The following EIF3D variants were observed in gnomAD, a reference collection of about 807,000 sequenced individuals.
EIF3D encodes eIF3 p66.
A neutral mutation model predicts 75.4 loss-of-function variants in EIF3D; 10 were observed. The observed-to-expected ratio is 0.13, with a 90% CI of 0.08 to 0.22. The LOEUF (loss-of-function observed/expected upper bound fraction) is 0.22, where lower values mean the gene tolerates loss of function less well. EIF3D is among the 10% of genes least tolerant of loss of function. EIF3D has a pLI of 1.00. For missense variants in EIF3D, 394 were observed against 708.0 expected (o/e 0.56, Z 5.03); for synonymous variants, 246 against 248.3 (o/e 0.99, Z 0.09).
intron 1 of EIF3D, among the ~76,000 whole-genome samples, chr22:36,528,320 A>G (rs78098074): frequency 6.6e-6 from 1 of 152,102 alleles, no homozygotes; most frequent in African/African-American, 2.4e-5. Context: ...ACTTTAAAAA[A>G]TCGGGTTCTG....
intron 7 of EIF3D, 114 bp from the exon 8 acceptor site, chr22:36,519,651 T>C: frequency 6.9e-7 from 1 of 1,447,068 alleles, no homozygotes; most frequent in South Asian, 1.3e-5. Context: ...TGGAAAGCAA[T>C]CTCTGGCCAG....
chr22:36,523,782 T>C, intron 5 of EIF3D, 113 bp downstream of exon 5: 1 of 1,004,148 alleles, frequency 1.0e-6, no homozygotes, highest in East Asian at 2.4e-5. Context: ...TAGAAAGTAT[T>C]TTCCTTTTTT....
intron 14 of EIF3D, 39 bp downstream of exon 14, chr22:36,511,464 C>G: frequency 6.2e-7 from 1 of 1,605,694 alleles, no homozygotes; most frequent in Admixed American, 1.7e-5. Context: ...TGCTAGCCCA[C>G]AGATCACTCT....
intron 1 of EIF3D, among the ~76,000 whole-genome samples, chr22:36,527,405 C>T (rs577566568): frequency 6.6e-6 from 1 of 152,306 alleles, no homozygotes; most frequent in Non-Finnish European, 1.5e-5. Context: ...AATGCTATAG[C>T]CCTCTTGGGA....
Position 36,523,961 on chromosome 22 carries a change from T to C in EIF3D, c.326A>G (p.Lys109Arg). 1.2e-6 allele frequency: 2 copies of C among 1,614,128 alleles called. No homozygotes were observed. The highest frequency in any genetic ancestry group is 1.7e-6 in the Non-Finnish European group (2 of 1,180,002). ...GAACTGCAACATGTTCCGACGATCTTTGTCTCTGCGGAGGTTCCTCTGGGC... is the reference window on the plus strand; with the variant it reads ...GAACTGCAACATGTTCCGACGATCTCTGTCTCTGCGGAGGTTCCTCTGGGC... ...RFAQRNLRRD[K>R]DRRNMLQFNL... Residue 109 changes from lysine to arginine, a missense_variant, in exon 5 of 15, where the codon AAA becomes AGA. Transcript: ENST00000216190.
intron 6 of EIF3D, among the ~76,000 whole-genome samples, chr22:36,521,379 A>G (rs1166225538): frequency 6.6e-6 from 1 of 152,202 alleles, no homozygotes; most frequent in Non-Finnish European, 1.5e-5. Flanking sequence ...AACATGTAGA[A>G]GGTCCTTTAT....
At position 36,511,008 on chromosome 22, in the gene EIF3D, A is replaced by G; in HGVS notation, c.1634-8T>C. ...TGGTTTAAGTTTCTTCCTCTGAAAG[A>G]CACAAAAAATGTAAGAGAAATGAGC... On this transcript the variant is annotated splice_region_variant and splice_polypyrimidine_tract_variant and intron_variant, in intron 14 of 14. Transcript: ENST00000216190. The G allele has an allele frequency of 6.2e-7, 1 of 1,608,480 alleles. No homozygotes were observed. The highest frequency in any genetic ancestry group is 8.5e-7 in the Non-Finnish European group (1 of 1,178,296).
At chr22:36,513,283 C>G (rs190550088) in intron 12 of EIF3D, among the ~76,000 whole-genome samples, 35 of 152,194 alleles carry the variant, frequency 2.3e-4, no homozygotes, top group African/African-American at 7.9e-4. Context: ...AAGAAATACT[C>G]AAGAATTTCT....
intron 6 of EIF3D, among the ~76,000 whole-genome samples, chr22:36,521,492 G>A (rs1934511872): frequency 6.6e-6 from 1 of 152,126 alleles, no homozygotes; most frequent in Admixed American, 6.5e-5. Context: ...GCCCACACAA[G>A]CACACGCAGG....
chr22:36,513,631 A>G (rs1934376548), intron 12 of EIF3D, among the ~76,000 whole-genome samples: 1 of 152,092 alleles, frequency 6.6e-6, no homozygotes, highest in South Asian at 2.1e-4. Context: ...GTTAGGGTCA[A>G]ACCATGTATT....
intron 5 of EIF3D, among the ~76,000 whole-genome samples, chr22:36,523,613 C>T (rs1934550142): frequency 6.6e-6 from 1 of 152,136 alleles, no homozygotes; most frequent in South Asian, 2.1e-4. Flanking sequence ...AGAGTTGACC[C>T]ACAGCAGAAC....
chr22:36,527,918 C>T (rs1035195309), intron 1 of EIF3D, among the ~76,000 whole-genome samples: 2 of 152,196 alleles, frequency 1.3e-5, no homozygotes, highest in East Asian at 3.8e-4. Context: ...TTGAGGCTTC[C>T]TTCAGAGATG....
chr22:36,511,282 G>T, intron 14 of EIF3D: 1 of 954,442 alleles, frequency 1.0e-6, no homozygotes, highest in Non-Finnish European at 1.5e-6. Flanking sequence ...CTCTGCCACA[G>T]TCCAGCCGCT....
At chr22:36,512,749 A>G in intron 12 of EIF3D, 147 bp from the exon 13 acceptor site, 1 of 893,362 alleles carries the variant, frequency 1.1e-6, no homozygotes, top group Non-Finnish European at 1.7e-6. Flanking sequence ...AGAGACAAAG[A>G]CATAGTCCCT....
chr22:36,513,407 AT>A (rs758176136), intron 12 of EIF3D, among the ~76,000 whole-genome samples: 4 of 151,418 alleles, frequency 2.6e-5, no homozygotes, highest in African/African-American at 4.9e-5. Context: ...GGTTCAAGTG[AT>A]TCTCCTACCT....
intron 13 of EIF3D, 118 bp downstream of exon 13, chr22:36,512,342 C>G (rs969081409): frequency 3.5e-6 from 5 of 1,429,874 alleles, no homozygotes; most frequent in Admixed American, 4.0e-5. Context: ...CTCTACCCCA[C>G]CCCTGGATTT....
intron 12 of EIF3D, among the ~76,000 whole-genome samples, chr22:36,514,113 G>A (rs1934385798): frequency 6.6e-6 from 1 of 152,142 alleles, no homozygotes; most frequent in South Asian, 2.1e-4. Context: ...AAAAGAAGTT[G>A]GAGATGTTGG....
At position 36,516,780 on chromosome 22, in the gene EIF3D, C is replaced by A. The variant is rs929571707; in HGVS notation, c.1001G>T (p.Arg334Ile). Residue 334 changes from arginine to isoleucine, a missense_variant, in exon 11 of 15, where the codon AGA (arginine) becomes ATA (isoleucine). Coordinates refer to ENST00000216190, the MANE Select transcript of EIF3D (RefSeq NM_003753.4). The stretch of plus-strand genomic sequence containing the variant: ...CGGGTTTGGGTTGGGGAAGTTGTAT[C>A]TTTCCTTCCCCTGCAAAAACAAAGG... The part of the protein sequence containing the change: ...SQQCLRMGKE[R>I]YNFPNPNPFV... The A allele has an allele frequency of 1.2e-5, 19 of 1,614,064 alleles. No homozygotes were observed. Among genetic ancestry groups the A allele is most frequent in the Non-Finnish European group, 1.6e-5 (19 of 1,180,026 alleles).
intron 5 of EIF3D, among the ~76,000 whole-genome samples, chr22:36,523,486 AGAT>A (rs1468770554): frequency 6.6e-6 from 1 of 152,238 alleles, no homozygotes; most frequent in Admixed American, 6.5e-5. Context: ...AATACTGACC[AGAT>A]GATTTTACTT....
Sources: gnomAD v4.1 joint callset for allele counts (sites outside exome capture counted in the v4.1 genomes callset) on GRCh38, gnomAD v4.1.1 for gene constraint, MANE v1.5 for transcripts, NCBI Gene and HGNC (gene_info 2026-07-23, HGNC 2026-07-21) for gene names.